Variants in VPS53 observed in about 807,000 individuals in gnomAD.
The protein encoded by VPS53 is vacuolar protein sorting-associated protein 53 homolog.
A neutral mutation model predicts 107.0 loss-of-function variants in VPS53; 70 were observed. The observed-to-expected ratio is 0.65, with a 90% confidence interval of 0.54 to 0.80. The LOEUF (loss-of-function observed/expected upper bound fraction) is 0.80, where lower values mean the gene tolerates loss of function less well. Ranked by LOEUF, VPS53 falls within the 30% of genes least tolerant of loss-of-function variation. VPS53 has a pLI of 0.00. For synonymous variants in VPS53, 409 were observed against 393.3 expected (o/e 1.04, Z -0.47); for missense variants, 917 against 1,049.4 (o/e 0.87, Z 1.74).
chr17:694,738 T>C (rs1263762486), intron 4 of VPS53, among the ~76,000 whole-genome samples: 1 of 152,238 alleles, frequency 6.6e-6, no homozygotes, highest in African/African-American at 2.4e-5. Context: ...AGACAAAATA[T>C]TCAATACAGT....
intron 4 of VPS53, among the ~76,000 whole-genome samples, chr17:667,693 T>G (rs895485958): frequency 2.0e-5 from 3 of 150,570 alleles, no homozygotes; most frequent in Non-Finnish European, 4.4e-5. Context: ...GAAGAGGACT[T>G]TTTTAAACAT....
intron 12 of VPS53, among the ~76,000 whole-genome samples, chr17:599,114 T>C (rs1314232549): frequency 3.1e-5 from 4 of 130,330 alleles, no homozygotes; most frequent in African/African-American, 1.1e-4. Flanking sequence ...AGCCGCCCCG[T>C]CCGGGAGGGA....
At chr17:603,010 C>A (rs1356844264) in intron 11 of VPS53, among the ~76,000 whole-genome samples, 1 of 152,118 alleles carries the variant, frequency 6.6e-6, no homozygotes, top group East Asian at 1.9e-4. Flanking sequence ...TTAGCCAATA[C>A]CAGTGGGTCA....
At chr17:654,749 A>AAG (rs1555573778) in intron 6 of VPS53, among the ~76,000 whole-genome samples, 2 of 148,348 alleles carry the variant, frequency 1.3e-5, no homozygotes, top group African/African-American at 4.9e-5. Context: ...AAAAAAAAAA[A>AAG]AAAAAGAAAA....
chr17:670,953 A>G (rs1432522345), intron 4 of VPS53, among the ~76,000 whole-genome samples: 1 of 152,164 alleles, frequency 6.6e-6, no homozygotes, highest in Admixed American at 6.5e-5. Context: ...GTGCTGGGCC[A>G]GGTGCAGTGG....
chr17:684,281 A>G (rs1972505402), intron 4 of VPS53, among the ~76,000 whole-genome samples: 1 of 152,216 alleles, frequency 6.6e-6, no homozygotes, highest in Non-Finnish European at 1.5e-5. Context: ...CATAGGTGAG[A>G]TGATTATCTA....
At chr17:581,683 C>T (rs567361708) in intron 13 of VPS53, among the ~76,000 whole-genome samples, 11 of 151,886 alleles carry the variant, frequency 7.2e-5, no homozygotes, top group Middle Eastern at 3.4e-3. Context: ...AATGCATCCC[C>T]GGAAAACCTT....
intron 10 of VPS53, among the ~76,000 whole-genome samples, chr17:626,548 C>G (rs1195659341): frequency 2.6e-5 from 4 of 152,118 alleles, no homozygotes; most frequent in Non-Finnish European, 4.4e-5. Flanking sequence ...GTTACACACA[C>G]CTGTAATCCT....
At position 519,395 on chromosome 17, in the gene VPS53, T is replaced by C. The variant is rs1056487124; in HGVS notation, c.2329-97A>G. On this transcript the variant is annotated intron_variant, in intron 21 of 21. Coordinates refer to ENST00000437048, the MANE Select transcript of VPS53 (RefSeq NM_001128159.3). The surrounding 1 kb of genome is among the most constrained non-coding windows in gnomAD (Gnocchi z 5.0). ...CTGGATATGGGGTCAGCAGAGGCTC[T>C]GGAGACAGCATAGTTACTCCAGGCT... 4.0e-6 allele frequency: 5 copies of C among 1,244,538 alleles called. No individual in the cohort carries two copies. Among genetic ancestry groups the C allele is most frequent in the African/African-American group, 3.0e-5 (2 of 65,762 alleles). The allele number at this position is 1,244,538 out of a possible 1,614,324, so 77.1% of individuals were successfully genotyped here. A position where few individuals can be genotyped will look rare whatever the true frequency, so the allele number is the denominator to read the frequency against.
At chr17:569,062 G>A (rs1203914882) in intron 13 of VPS53, among the ~76,000 whole-genome samples, 1 of 152,176 alleles carries the variant, frequency 6.6e-6, no homozygotes, top group Non-Finnish European at 1.5e-5. Flanking sequence ...AGAAATGCCT[G>A]GGGAAATGGA....
chr17:591,069 C>T (rs12603294), intron 12 of VPS53, among the ~76,000 whole-genome samples: 56,121 of 151,274 alleles, frequency 0.37, 11,038 homozygotes, highest in East Asian at 0.49. Flanking sequence ...TGTTATTGGT[C>T]TATTCAGAGA....
At chr17:657,275 A>G in intron 5 of VPS53, 3 of 866,538 alleles carry the variant, frequency 3.5e-6, no homozygotes, top group South Asian at 3.0e-5. Flanking sequence ...CACGGATCAG[A>G]TGGAAATTCT....
At chr17:604,853 C>T (rs897694919) in intron 11 of VPS53, among the ~76,000 whole-genome samples, 2 of 152,164 alleles carry the variant, frequency 1.3e-5, no homozygotes, top group Admixed American at 1.3e-4. Context: ...TGATTCATTC[C>T]TTCCCTCATC....
chr17:642,819 C>T (rs1378970824), intron 7 of VPS53, among the ~76,000 whole-genome samples: 2 of 148,408 alleles, frequency 1.3e-5, no homozygotes, highest in Non-Finnish European at 1.5e-5. Flanking sequence ...ACTTGGAAAG[C>T]GAGGACAACA....
intron 4 of VPS53, among the ~76,000 whole-genome samples, chr17:668,688 G>A (rs1971807291): frequency 6.6e-6 from 1 of 152,130 alleles, no homozygotes; most frequent in Middle Eastern, 3.2e-3. Flanking sequence ...ACATGCTAAT[G>A]GGACCATAGC....
At chr17:682,575 C>T (rs571683569) in intron 4 of VPS53, among the ~76,000 whole-genome samples, 2 of 152,220 alleles carry the variant, frequency 1.3e-5, no homozygotes, top group South Asian at 4.2e-4. Context: ...TGTGGGCTGG[C>T]GCAATGGTAG....
At chr17:668,368 G>C (rs2143673074) in intron 4 of VPS53, among the ~76,000 whole-genome samples, 1 of 152,292 alleles carries the variant, frequency 6.6e-6, no homozygotes. Flanking sequence ...GCACCTGTAA[G>C]AGTGCTGGTG....
At chr17:575,630 A>G (rs1914533179) in intron 13 of VPS53, among the ~76,000 whole-genome samples, 1 of 151,814 alleles carries the variant, frequency 6.6e-6, no homozygotes, top group Non-Finnish European at 1.5e-5. Flanking sequence ...CTCAGAACCT[A>G]ATGCATTCCC....
At chr17:560,675 C>T in intron 14 of VPS53, 102 bp from the exon 15 acceptor site, 1 of 1,381,814 alleles carries the variant, frequency 7.2e-7, no homozygotes, top group South Asian at 1.4e-5. Context: ...GAAGTAAAGG[C>T]TGGACATGGC....
Sources: gnomAD v4.1 joint callset for allele counts (sites outside exome capture counted in the v4.1 genomes callset) on GRCh38, gnomAD v4.1.1 for gene constraint, Gnocchi (gnomAD v3.1) non-coding constraint, MANE v1.5 for transcripts, NCBI Gene and HGNC (gene_info 2026-07-23, HGNC 2026-07-21) for gene names.